CSMD1: variants seen among roughly 807,000 people sequenced by gnomAD.
The protein encoded by CSMD1 is CUB and Sushi multiple domains 1, also known as CUB and sushi domain-containing protein 1.
A neutral mutation model predicts 417.5 loss-of-function variants in CSMD1; 213 were observed. The observed-to-expected ratio is 0.51, with a 90% CI of 0.46 to 0.57. CSMD1 has a LOEUF of 0.57. Among genes scored for constraint, CSMD1 ranks in the 20% least tolerant of loss-of-function variants. The probability of loss-of-function intolerance (pLI) is 0.00; values close to 1 mark genes in which losing one functional copy is unlikely to be tolerated. For synonymous variants in CSMD1, 2,862 were observed against 1,736.8 expected (o/e 1.65, Z -16.11); for missense variants, 6,923 against 4,529.7 (o/e 1.53, Z -15.17).
chr8:3,885,787 G>C (rs1442485562), intron 5 of CSMD1, among the ~76,000 whole-genome samples: 1 of 152,122 alleles, frequency 6.6e-6, no homozygotes, highest in Admixed American at 6.6e-5. Flanking sequence ...ATGACAGAAA[G>C]CTGACTTTCT....
chr8:3,414,526 C>G (rs1813009738), intron 12 of CSMD1, among the ~76,000 whole-genome samples: 1 of 152,084 alleles, frequency 6.6e-6, no homozygotes. Flanking sequence ...CTCATCGCTC[C>G]CCATGCTGCA....
chr8:4,016,931 T>C (rs1409741288), intron 4 of CSMD1, among the ~76,000 whole-genome samples: 1 of 152,168 alleles, frequency 6.6e-6, no homozygotes, highest in Non-Finnish European at 1.5e-5. Flanking sequence ...ATTGTTGAAA[T>C]CTCAAAAGAT....
intron 5 of CSMD1, among the ~76,000 whole-genome samples, chr8:3,992,630 T>A: frequency 6.6e-6 from 1 of 152,100 alleles, no homozygotes. Context: ...CAAAAAATGT[T>A]TTAAAAATTA....
intron 2 of CSMD1, among the ~76,000 whole-genome samples, chr8:4,563,260 A>G (rs1220457170): frequency 1.3e-5 from 2 of 152,042 alleles, no homozygotes; most frequent in African/African-American, 4.8e-5. Context: ...AATTAGCCGG[A>G]CATGGTGGCG....
chr8:4,065,417 T>C (rs559227709), intron 3 of CSMD1, among the ~76,000 whole-genome samples: 1 of 152,336 alleles, frequency 6.6e-6, no homozygotes, highest in African/African-American at 2.4e-5. Context: ...TTGTAAAACT[T>C]CTAGAGAATA....
intron 1 of CSMD1, among the ~76,000 whole-genome samples, chr8:4,764,037 C>G (rs1399178561): frequency 6.6e-6 from 1 of 152,156 alleles, no homozygotes; most frequent in Non-Finnish European, 1.5e-5. Flanking sequence ...CTGCTAGATG[C>G]CCATGAATTA....
Position 4,321,390 on chromosome 8 carries a change from G to C in CSMD1, c.415+98563C>G, listed in dbSNP as rs553628112. On this transcript the variant is annotated intron_variant, in intron 3 of 69. Coordinates refer to ENST00000635120, the MANE Select transcript of CSMD1 (RefSeq NM_033225.6). The stretch of plus-strand genomic sequence containing the variant: ...AAGCATAAGAACGGAGCAATCAGAA[G>C]AGTTTTTTTCATCCCAAACCTGCTG... 2.0e-5 allele frequency among the ~76,000 whole-genome samples: 3 copies of C among 152,184 alleles called. No homozygotes were observed. In the South Asian group the frequency reaches 6.2e-4, roughly 32 times the overall value.
rs183159963 is a variant in CSMD1, at chr8:3,931,791, A to C, written c.818+66112T>G. Among the ~76,000 whole-genome samples, 62 of 148,504 alleles carry C rather than the reference A, an allele frequency of 4.2e-4. 3 individuals are homozygous for C. The East Asian group carries it at 0.012, about 30-fold the overall frequency. Reference sequence around the variant, plus strand: ...GGAGCACCTAAGACCCCACTAAGGAATATTAAGTGGGCAATGGGACTTCCT... The same window carrying C: ...GGAGCACCTAAGACCCCACTAAGGACTATTAAGTGGGCAATGGGACTTCCT... On this transcript the variant is annotated intron_variant, in intron 5 of 69. Coordinates refer to ENST00000635120, the MANE Select transcript of CSMD1 (RefSeq NM_033225.6).
intron 26 of CSMD1, among the ~76,000 whole-genome samples, chr8:3,271,863 T>C (rs983123610): frequency 9.2e-5 from 14 of 152,150 alleles, no homozygotes; most frequent in Non-Finnish European, 1.8e-4. Context: ...GTGAAAATTT[T>C]CTCCCATTTT....
intron 3 of CSMD1, among the ~76,000 whole-genome samples, chr8:4,069,572 T>G (rs1238599146): frequency 6.6e-6 from 1 of 152,222 alleles, no homozygotes; most frequent in Non-Finnish European, 1.5e-5. Flanking sequence ...CAGGCATCCA[T>G]GCAGATGTAT....
At chr8:3,398,952 T>C (rs9969441) in intron 16 of CSMD1, among the ~76,000 whole-genome samples, 80,501 of 151,984 alleles carry the variant, frequency 0.53, 21,555 homozygotes, top group Middle Eastern at 0.61. Context: ...CCGCACCCCA[T>C]TGCCCGCTCA....
At chr8:4,401,648 C>T (rs1804651975) in intron 3 of CSMD1, among the ~76,000 whole-genome samples, 1 of 152,136 alleles carries the variant, frequency 6.6e-6, no homozygotes, top group South Asian at 2.1e-4. Context: ...GTACCCGACC[C>T]TCCATCTCAT....
At chr8:4,593,639 T>G (rs1800105783) in intron 2 of CSMD1, among the ~76,000 whole-genome samples, 1 of 152,190 alleles carries the variant, frequency 6.6e-6, no homozygotes, top group Non-Finnish European at 1.5e-5. Context: ...ATCCGGAGTC[T>G]TAAAGCTCTG....
intron 7 of CSMD1, among the ~76,000 whole-genome samples, chr8:3,685,670 A>T (rs540922976): frequency 6.6e-6 from 1 of 152,236 alleles, no homozygotes; most frequent in South Asian, 2.1e-4. Context: ...TTTTCTGAGG[A>T]AGGAAGTCAA....
intron 3 of CSMD1, among the ~76,000 whole-genome samples, chr8:4,101,724 G>GA (rs1801314182): frequency 6.6e-6 from 1 of 152,198 alleles, no homozygotes; most frequent in Non-Finnish European, 1.5e-5. Context: ...TTCCAGAGGA[G>GA]AAAAGCAAAC....
chr8:3,720,318 G>C (rs923876688), intron 6 of CSMD1, among the ~76,000 whole-genome samples: 2 of 152,126 alleles, frequency 1.3e-5, no homozygotes, highest in East Asian at 3.9e-4. Context: ...AGGGGAGAGA[G>C]AGGAGAAGCT....
At chr8:3,853,963 T>C (rs955554207) in intron 5 of CSMD1, among the ~76,000 whole-genome samples, 3 of 138,032 alleles carry the variant, frequency 2.2e-5, no homozygotes, top group African/African-American at 8.0e-5. Context: ...ATATATTAAA[T>C]ATATCATGTC....
intron 50 of CSMD1, among the ~76,000 whole-genome samples, chr8:3,039,321 C>CCTCTCTCCCTCCTTTCCTTT (rs796592025): frequency 3.5e-5 from 5 of 141,760 alleles, no homozygotes; most frequent in African/African-American, 1.5e-4. Flanking sequence ...TCCCTTCCTT[C>CCTCTCTCCCTCCTTTCCTTT]TTTTCCTTTC....
chr8:4,196,364 G>A (rs377632703), intron 3 of CSMD1, among the ~76,000 whole-genome samples: 1 of 152,230 alleles, frequency 6.6e-6, no homozygotes, highest in Non-Finnish European at 1.5e-5. Context: ...CTTACTTTTA[G>A]TTCTGTAGGT....
Sources: allele counts gnomAD v4.1 joint callset (sites outside exome capture counted in the v4.1 genomes callset), GRCh38; gene constraint gnomAD v4.1.1; transcripts MANE v1.5; gene names NCBI Gene and HGNC (gene_info 2026-07-23, HGNC 2026-07-21).